Variants in UCHL1 observed in about 807,000 individuals in gnomAD.
The protein encoded by UCHL1 is ubiquitin C-terminal hydrolase L1, also known as ubiquitin carboxyl-terminal hydrolase isozyme L1.
A neutral mutation model predicts 33.3 loss-of-function variants in UCHL1; 5 were observed. The ratio of observed to expected loss-of-function variants is 0.15; its 90% CI spans 0.08 to 0.32. The LOEUF is 0.32. Among genes scored for constraint, UCHL1 ranks in the 10% least tolerant of loss-of-function variants. The pLI is 1.00. For synonymous variants in UCHL1, 132 were observed against 108.8 expected (o/e 1.21, Z -1.33); for missense variants, 236 against 280.0 (o/e 0.84, Z 1.12).
intron 8 of UCHL1, among the ~76,000 whole-genome samples, chr4:41,266,765 G>A (rs946000256): frequency 1.3e-5 from 2 of 152,008 alleles, no homozygotes; most frequent in Admixed American, 1.3e-4. Flanking sequence ...GACTAGAAGC[G>A]CACACCACCA....
chr4:41,265,604 C>T (rs572754385), intron 8 of UCHL1, among the ~76,000 whole-genome samples: 9 of 152,090 alleles, frequency 5.9e-5, no homozygotes, highest in South Asian at 2.1e-4. Flanking sequence ...AAAGTTAGTC[C>T]GCATCTAGAG....
chr4:41,257,088 G>C (rs1178947257), intron 1 of UCHL1, 27 bp from the exon 2 acceptor site: 1 of 1,613,992 alleles, frequency 6.2e-7, no homozygotes, highest in Admixed American at 1.7e-5. Context: ...GTTCGGTTTT[G>C]CCTTTTTCTT....
At chr4:41,257,359 G>C in intron 2 of UCHL1, 1 of 923,048 alleles carries the variant, frequency 1.1e-6, no homozygotes, top group Non-Finnish European at 1.6e-6. Context: ...GCGAGCGCCA[G>C]GCGGAGCTCC....
At chr4:41,263,348 A>C (rs1368668825) in intron 7 of UCHL1, 57 bp downstream of exon 7, 2 of 1,491,056 alleles carry the variant, frequency 1.3e-6, no homozygotes, top group Non-Finnish European at 1.9e-6. Context: ...TTTCAGACTG[A>C]ATTTCTCTTG....
intron 3 of UCHL1, 95 bp downstream of exon 3, chr4:41,257,832 G>A (rs1781007192): frequency 1.4e-6 from 2 of 1,469,454 alleles, no homozygotes; most frequent in Non-Finnish European, 9.0e-7. Context: ...CCCCTCCCCT[G>A]TAGGTGATGC....
In UCHL1 at chr4:41,268,250, T is replaced by G. The variant is rs944994122; in HGVS notation, c.*177T>G. ...CTTAAGCACAAGCAGAGTGCACAGC[T>G]GTCCACTGGGCCATTGTGGTGTGAG... On this transcript the variant is annotated 3_prime_UTR_variant, in exon 9 of 9. Coordinates refer to ENST00000284440, the MANE Select transcript of UCHL1 (RefSeq NM_004181.5). 82 of 656,722 alleles carry G rather than the reference T, an allele frequency of 1.2e-4. No individual in the cohort carries two copies. The highest frequency in any genetic ancestry group is 1.1e-3 in the African/African-American group (62 of 56,182). 40.7% of individuals were successfully genotyped at this position (656,722 alleles called of 1,614,324 possible).
chr4:41,257,834 A>G, intron 3 of UCHL1, 97 bp downstream of exon 3: 1 of 1,465,592 alleles, frequency 6.8e-7, no homozygotes. Flanking sequence ...CCTCCCCTGT[A>G]GGTGATGCGG....
chr4:41,268,329 G>C lies in UCHL1; in HGVS notation c.*256G>C. The C allele has an allele frequency of 1.9e-6, 1 of 534,872 alleles. No homozygotes were observed. Among genetic ancestry groups the C allele is most frequent in the Admixed American group, 3.4e-5 (1 of 29,642 alleles). 33.1% of individuals were successfully genotyped at this position (534,872 alleles called of 1,614,324 possible). ...GTATGTCTTGTATCCGATATCTAAC[G>C]CTTTAAATGGCTACTTTGGTTTCTG... On this transcript the variant is annotated 3_prime_UTR_variant, in exon 9 of 9. Coordinates refer to ENST00000284440, the MANE Select transcript of UCHL1 (RefSeq NM_004181.5).
chr4:41,260,338 C>T (rs987942004), intron 3 of UCHL1, among the ~76,000 whole-genome samples: 1 of 152,198 alleles, frequency 6.6e-6, no homozygotes, highest in Non-Finnish European at 1.5e-5. Flanking sequence ...TGTTTTCTGA[C>T]TTCGTGACAC....
At chr4:41,257,280 C>G (rs773338075) in intron 2 of UCHL1, 154 bp downstream of exon 2, 32 of 1,260,158 alleles carry the variant, frequency 2.5e-5, no homozygotes, top group African/African-American at 6.0e-5. Context: ...TTTCCTGGGC[C>G]CCTGCATTTA....
At position 41,268,305 on chromosome 4, in the gene UCHL1, T is replaced by C; in HGVS notation, c.*232T>C. On this transcript the variant is annotated 3_prime_UTR_variant, in exon 9 of 9. Coordinates refer to ENST00000284440, the MANE Select transcript of UCHL1 (RefSeq NM_004181.5). ...AGATGGTGAAGCATTCTCCCCAGTG[T>C]ATGTCTTGTATCCGATATCTAACGC... 1 of 587,714 alleles carries C rather than the reference T, an allele frequency of 1.7e-6. No individual in the cohort carries two copies. The highest frequency in any genetic ancestry group is 2.0e-5 in the South Asian group (1 of 49,332). The allele number at this position is 587,714 out of a possible 1,614,324, so 36.4% of individuals were successfully genotyped here. A position where few individuals can be genotyped will look rare whatever the true frequency, so the allele number is the denominator to read the frequency against.
At chr4:41,261,134 G>C (rs1781062163) in intron 4 of UCHL1, among the ~76,000 whole-genome samples, 1 of 152,180 alleles carries the variant, frequency 6.6e-6, no homozygotes, top group East Asian at 1.9e-4. Context: ...TAGCCAGTCA[G>C]ATGTCTCTAT....
intron 8 of UCHL1, among the ~76,000 whole-genome samples, chr4:41,266,234 T>TTG (rs1781151857): frequency 6.2e-5 from 8 of 128,558 alleles, no homozygotes; most frequent in African/African-American, 1.6e-4. Context: ...AACTTTTTTT[T>TTG]TTTTTTTTTT....
Position 41,260,605 on chromosome 4 carries a change from C to G in UCHL1, c.175-42C>G, listed in dbSNP as rs201522255. The G allele has an allele frequency of 7.8e-5, 125 of 1,610,742 alleles. No homozygotes were observed. The East Asian group carries it at 2.2e-3, about 28-fold the overall frequency. On this transcript the variant is annotated intron_variant, in intron 3 of 8. Transcript: ENST00000284440. Reference sequence around the variant, plus strand: ...CTCATGTGCTGCCATCTGTTCTTTGCACTTTCATTCTGAGATGTAAAAACG... The same window carrying G: ...CTCATGTGCTGCCATCTGTTCTTTGGACTTTCATTCTGAGATGTAAAAACG...
At chr4:41,263,366 G>A (rs1781104386) in intron 7 of UCHL1, 75 bp downstream of exon 7, 2 of 1,400,672 alleles carry the variant, frequency 1.4e-6, no homozygotes, top group Admixed American at 3.4e-5. Context: ...TTGATATATT[G>A]TGTGACTTTA....
intron 8 of UCHL1, 25 bp downstream of exon 8, chr4:41,264,186 T>G: frequency 6.2e-7 from 1 of 1,614,070 alleles, no homozygotes; most frequent in Non-Finnish European, 8.5e-7. Context: ...GCATCTCTTC[T>G]TAATGTGCCT....
At chr4:41,260,829 A>G (rs908612470) in intron 4 of UCHL1, 32 bp downstream of exon 4, 2 of 1,614,056 alleles carry the variant, frequency 1.2e-6, no homozygotes, top group African/African-American at 1.3e-5. Context: ...AGCCATCCTA[A>G]GCTTGAACTT....
rs771560835 is a variant in UCHL1 at position 41,257,605 on chromosome 4, G to T, written c.46-4G>T. 6.5e-7 allele frequency: 1 copy of T among 1,537,954 alleles called. No individual in the cohort carries two copies. On this transcript the variant is annotated splice_region_variant and splice_polypyrimidine_tract_variant and intron_variant, in intron 2 of 8. Coordinates refer to ENST00000284440, the MANE Select transcript of UCHL1 (RefSeq NM_004181.5). ...CGCCTGGCCGCCTTGTCTCCTCTCC[G>T]CAGGTGCTGTCCCGGCTGGGGGTCG...
At chr4:41,260,919 TCAGA>T in intron 4 of UCHL1, 122 bp downstream of exon 4, 1 of 1,394,704 alleles carries the variant, frequency 7.2e-7, no homozygotes, top group Middle Eastern at 1.9e-4. Context: ...AATGATGGTG[TCAGA>T]CACTTAATCT....
Sources: allele counts gnomAD v4.1 joint callset (sites outside exome capture counted in the v4.1 genomes callset), GRCh38; gene constraint gnomAD v4.1.1; transcripts MANE v1.5; gene names NCBI Gene and HGNC (gene_info 2026-07-23, HGNC 2026-07-21).